Variants in TBCCD1 observed in about 807,000 individuals in gnomAD.
TBCCD1 encodes TBCC domain containing 1.
TBCCD1 carries 26 observed loss-of-function variants against 53.4 expected under a neutral mutation model. That is an observed-to-expected ratio of 0.49 (90% CI 0.36 to 0.68). The LOEUF is 0.68. TBCCD1 is among the 30% of genes least tolerant of loss of function. TBCCD1 has a pLI of 0.00. For synonymous variants in TBCCD1, 245 were observed against 241.7 expected (o/e 1.01, Z -0.13); for missense variants, 558 against 669.5 (o/e 0.83, Z 1.84).
At chr3:186,558,680 C>T in intron 2 of TBCCD1, 108 bp from the exon 3 acceptor site, 1 of 1,231,904 alleles carries the variant, frequency 8.1e-7, no homozygotes. Context: ...CCTAAAAAAA[C>T]CAACTTAGAA....
chr3:186,553,300 A>C (rs1290276573), intron 6 of TBCCD1: 1 of 152,222 alleles, frequency 6.6e-6, no homozygotes, highest in East Asian at 1.9e-4. Context: ...AAGTGTAGAG[A>C]ATCTAACCAT....
At chr3:186,564,535 C>T (rs569710535) in intron 1 of TBCCD1, among the ~76,000 whole-genome samples, 163 bp from the exon 2 acceptor site, 2 of 152,180 alleles carry the variant, frequency 1.3e-5, no homozygotes, top group African/African-American at 4.8e-5. Context: ...TTTTTTTAAT[C>T]AGATCTCATT....
At chr3:186,559,139 A>G (rs993511819) in intron 2 of TBCCD1, among the ~76,000 whole-genome samples, 1 of 152,216 alleles carries the variant, frequency 6.6e-6, no homozygotes, top group South Asian at 2.1e-4. Flanking sequence ...AAAACTGATG[A>G]AAGGATGTAG....
chr3:186,564,129 C>T lies in TBCCD1; in HGVS notation c.201G>A (p.Leu67=). 6.2e-7 allele frequency: 1 copy of T among 1,614,176 alleles called. No individual in the cohort carries two copies. The change falls in exon 2 of 8, where the codon TTG becomes TTA. Residue 67 remains leucine (L), a synonymous_variant. Transcript: ENST00000338733. ...AGTAAAGCCACGCCAGGTCCTTGGC[C>T]AACTGCAGCTTCCCACAAGCGATGT... ...WRHIACGKLQ[L]AKDLAWLYFE... is the part of the protein sequence containing the mutation.
intron 6 of TBCCD1, among the ~76,000 whole-genome samples, chr3:186,552,977 G>C (rs1050686539): frequency 6.6e-6 from 1 of 152,162 alleles, no homozygotes; most frequent in African/African-American, 2.4e-5. Context: ...AAAGGCTTTG[G>C]ATTTTATTTG....
chr3:186,566,427 C>G (rs1478330631), intron 1 of TBCCD1, among the ~76,000 whole-genome samples: 1 of 152,190 alleles, frequency 6.6e-6, no homozygotes, highest in Non-Finnish European at 1.5e-5. Context: ...GTATCATGCT[C>G]ATGATTTTGC....
chr3:186,551,526 T>C (rs1376521058), intron 6 of TBCCD1, among the ~76,000 whole-genome samples: 3 of 152,230 alleles, frequency 2.0e-5, no homozygotes, highest in Admixed American at 6.5e-5. Context: ...CACTGGGTAC[T>C]GTTCTGACTG....
rs1578975812 is a variant in TBCCD1, at chr3:186,564,510, C to T, written c.-43-138G>A. On this transcript the variant is annotated intron_variant, in intron 1 of 7. Transcript: ENST00000338733. Reference sequence around the variant, plus strand: ...TTAAAAGGCAGCTCTAGTTCACCAACCAAGAGCAGAACAGTTTTTTTAATC... The same window carrying T: ...TTAAAAGGCAGCTCTAGTTCACCAATCAAGAGCAGAACAGTTTTTTTAATC... 4 of 561,728 alleles carry T rather than the reference C, an allele frequency of 7.1e-6. No individual in the cohort carries two copies. The East Asian group carries it at 1.2e-4, about 17-fold the overall frequency. The allele number at this position is 561,728 out of a possible 1,614,324, so 34.8% of individuals were successfully genotyped here.
chr3:186,551,948 G>C (rs974705446), intron 6 of TBCCD1, among the ~76,000 whole-genome samples: 10 of 152,140 alleles, frequency 6.6e-5, no homozygotes, highest in African/African-American at 2.4e-4. Context: ...CTGCACTCCA[G>C]CCTGGGCAAC....
chr3:186,558,664 G>T, intron 2 of TBCCD1, 92 bp from the exon 3 acceptor site: 1 of 1,431,874 alleles, frequency 7.0e-7, no homozygotes, highest in Non-Finnish European at 9.3e-7. Context: ...TCACAAGTTG[G>T]CTGATCCTAA....
rs940311957 is a variant in TBCCD1, at chr3:186,554,037, G to A, written c.1544+217C>T. 2.6e-5 allele frequency among the ~76,000 whole-genome samples: 4 copies of A among 152,182 alleles called. No individual in the cohort carries two copies. In the East Asian group the frequency reaches 5.8e-4, roughly 22 times the overall value. Reference sequence around the variant, plus strand: ...TAATTTTTGTATTTTTAGTAGAGACGGGGTTTCACCATGTTGGCTAGGCTG... The same window carrying A: ...TAATTTTTGTATTTTTAGTAGAGACAGGGTTTCACCATGTTGGCTAGGCTG... On this transcript the variant is annotated intron_variant, in intron 6 of 7. Coordinates refer to ENST00000338733, the MANE Select transcript of TBCCD1 (RefSeq NM_018138.5).
chr3:186,556,744 A>G lies in TBCCD1; in HGVS notation c.524T>C (p.Val175Ala), dbSNP rs561625268. Residue 175 changes from valine to alanine, a missense_variant, in exon 4 of 8, where the codon GTC (valine) becomes GCC (alanine). Coordinates refer to ENST00000338733, the MANE Select transcript of TBCCD1 (RefSeq NM_018138.5). ...NWNDYSHQAF[V>A]YDHLSDLLEL... ...GAGGAGATCAGACAGATGATCATAG[A>G]CAAAAGCTTGGTGACTGTAATCATT... 1.9e-6 allele frequency: 3 copies of G among 1,614,152 alleles called. No individual in the cohort carries two copies. The highest frequency in any genetic ancestry group is 1.7e-5 in the Admixed American group (1 of 60,020).
intron 3 of TBCCD1, among the ~76,000 whole-genome samples, chr3:186,557,114 T>C (rs1179469771): frequency 6.6e-6 from 1 of 152,178 alleles, no homozygotes; most frequent in African/African-American, 2.4e-5. Context: ...TAGCAATAAA[T>C]GGGCTACTCA....
In TBCCD1 at chr3:186,558,537, TAAG is replaced by T. The variant is rs1578971068; in HGVS notation, c.369_371del (p.Phe123del). The stretch of plus-strand genomic sequence containing the variant: ...AGACCTTGTTCAACTGTTGAATGTA[TAAG>T]AAGAGCAGAAACTGTAGCGTGTCCA... On this transcript the variant is annotated inframe_deletion, in exon 3 of 8. Coordinates refer to ENST00000338733, the MANE Select transcript of TBCCD1 (RefSeq NM_018138.5). The T allele has an allele frequency of 6.2e-7, 1 of 1,614,168 alleles. No homozygotes were observed. The highest frequency in any genetic ancestry group is 8.5e-7 in the Non-Finnish European group (1 of 1,180,018).
Position 186,563,973 on chromosome 3 carries a change from T to C in TBCCD1, c.336+21A>G, listed in dbSNP as rs578144939. 8.6e-5 allele frequency: 135 copies of C among 1,568,320 alleles called. 3 individuals carry two copies. In the South Asian group the frequency reaches 1.3e-3, roughly 15 times the overall value. ...GTTTCTTTCCAAAAGTAATTAAGTA[T>C]ACACACATATCAATCCGTACCTGAT... is the stretch of plus-strand genomic sequence containing the variant. On this transcript the variant is annotated intron_variant, in intron 2 of 7. Transcript: ENST00000338733.
At chr3:186,565,269 C>A (rs949069503) in intron 1 of TBCCD1, among the ~76,000 whole-genome samples, 4 of 152,058 alleles carry the variant, frequency 2.6e-5, no homozygotes, top group South Asian at 4.2e-4. Context: ...CACCACCACA[C>A]CTGGCTAATT....
At chr3:186,550,317 G>A (rs536320948) in intron 7 of TBCCD1, among the ~76,000 whole-genome samples, 1 of 152,102 alleles carries the variant, frequency 6.6e-6, no homozygotes, top group South Asian at 2.1e-4. Flanking sequence ...GGGCGCAGTG[G>A]TTTATGCCTG....
upstream of TBCCD1, among the ~76,000 whole-genome samples, chr3:186,568,752 A>C (rs981904758): frequency 1.3e-5 from 2 of 151,966 alleles, no homozygotes; most frequent in African/African-American, 4.8e-5. Flanking sequence ...AATACAAAAA[A>C]ATTAGACGGA....
At chr3:186,569,623 C>CTTTTT (rs370706242), upstream of TBCCD1, among the ~76,000 whole-genome samples, 5 of 134,038 alleles carry the variant, frequency 3.7e-5, no homozygotes, top group African/African-American at 1.4e-4. Context: ...CGCGCCCGGG[C>CTTTTT]TTTTTTTTTT....
Sources: gnomAD v4.1 joint callset for allele counts (sites outside exome capture counted in the v4.1 genomes callset) on GRCh38, gnomAD v4.1.1 for gene constraint, MANE v1.5 for transcripts, NCBI Gene and HGNC (gene_info 2026-07-23, HGNC 2026-07-21) for gene names.